Variants in AHCYL2 observed in about 807,000 individuals in gnomAD.
AHCYL2 encodes adenosylhomocysteinase like 2.
Under a neutral mutation model 81.4 loss-of-function variants are expected in AHCYL2, and 28 were observed. The observed-to-expected ratio is 0.34, with a 90% CI of 0.25 to 0.47. The LOEUF (loss-of-function observed/expected upper bound fraction) is 0.47. Among genes scored for constraint, AHCYL2 ranks in the 20% least tolerant of loss-of-function variants. AHCYL2 has a pLI of 1.00. For missense variants in AHCYL2, 551 were observed against 785.1 expected (o/e 0.70, Z 3.56); for synonymous variants, 272 against 290.2 (o/e 0.94, Z 0.64).
intron 12 of AHCYL2, among the ~76,000 whole-genome samples, chr7:129,415,499 C>G (rs1796798585): frequency 6.6e-6 from 1 of 152,114 alleles, no homozygotes; most frequent in Non-Finnish European, 1.5e-5. Context: ...AGTTAACTAC[C>G]TTGTCAGGCA....
At chr7:129,345,882 TG>T (rs1403239076) in intron 1 of AHCYL2, among the ~76,000 whole-genome samples, 1 of 151,848 alleles carries the variant, frequency 6.6e-6, no homozygotes, top group Non-Finnish European at 1.5e-5. Flanking sequence ...AGAGCAGGTT[TG>T]GGGGGGTAAG....
intron 12 of AHCYL2, among the ~76,000 whole-genome samples, chr7:129,415,281 C>G (rs958655598): frequency 1.1e-4 from 17 of 152,318 alleles, no homozygotes; most frequent in African/African-American, 3.4e-4. Flanking sequence ...GGGAAGTATT[C>G]ATGTCATGCC....
intron 1 of AHCYL2, among the ~76,000 whole-genome samples, chr7:129,300,831 T>A (rs1302094490): frequency 6.6e-6 from 1 of 152,186 alleles, no homozygotes; most frequent in Non-Finnish European, 1.5e-5. Flanking sequence ...GATATTTCAT[T>A]GTAGTTTTTC....
At position 129,422,896 on chromosome 7, in the gene AHCYL2, T is replaced by C. The variant is rs1797181372; in HGVS notation, c.1518T>C (p.His506=). The change falls in exon 13 of 17, where the codon CAT becomes CAC. Residue 506 remains histidine (H), a synonymous_variant. Coordinates refer to ENST00000325006, the MANE Select transcript of AHCYL2 (RefSeq NM_015328.4). ...AGCGAGTGAGATCTCAAGTTGACCA[T>C]GTGATATGGCCTGATGGCAAGAGGA... ...TWERVRSQVD[H]VIWPDGKRIV... 1.9e-6 allele frequency: 3 copies of C among 1,614,060 alleles called. No homozygotes were observed. The highest frequency in any genetic ancestry group is 1.7e-5 in the Admixed American group (1 of 60,008).
intron 1 of AHCYL2, among the ~76,000 whole-genome samples, chr7:129,262,523 G>A (rs1267082755): frequency 6.6e-6 from 1 of 152,238 alleles, no homozygotes; most frequent in Non-Finnish European, 1.5e-5. Context: ...CCACTCCGTG[G>A]TTGGTGGTCT....
At chr7:129,312,408 T>G (rs1797689500) in intron 1 of AHCYL2, among the ~76,000 whole-genome samples, 1 of 152,104 alleles carries the variant, frequency 6.6e-6, no homozygotes, top group Admixed American at 6.5e-5. Flanking sequence ...TTTTCTTTCT[T>G]TCTTTTTGTT....
chr7:129,373,196 A>T (rs1794499204), intron 1 of AHCYL2, among the ~76,000 whole-genome samples: 1 of 152,182 alleles, frequency 6.6e-6, no homozygotes, highest in South Asian at 2.1e-4. Context: ...AATGTGCTTT[A>T]ATAAGCTCTC....
chr7:129,331,677 A>T (rs973281154), intron 1 of AHCYL2, among the ~76,000 whole-genome samples: 1 of 151,928 alleles, frequency 6.6e-6, no homozygotes, highest in African/African-American at 2.4e-5. Context: ...CCCCGTCTCT[A>T]CTAAAAATAC....
intron 1 of AHCYL2, among the ~76,000 whole-genome samples, chr7:129,306,860 T>C (rs1244626014): frequency 6.6e-6 from 1 of 152,196 alleles, no homozygotes; most frequent in Admixed American, 6.5e-5. Context: ...CTCGTAGAGG[T>C]ATCACCTCGA....
intron 1 of AHCYL2, among the ~76,000 whole-genome samples, chr7:129,318,971 A>G (rs1252637319): frequency 7.9e-5 from 12 of 152,016 alleles, no homozygotes; most frequent in African/African-American, 2.2e-4. Context: ...AAAAACTACT[A>G]TAAGCAAAGT....
Position 129,313,117 on chromosome 7 carries a change from A to G in AHCYL2, c.364-66521A>G, listed in dbSNP as rs118030627. Among the ~76,000 whole-genome samples the G allele has an allele frequency of 1.9e-3, 292 of 152,320 alleles. 2 individuals carry two copies. Among genetic ancestry groups the G allele is most frequent in the Non-Finnish European group, 2.9e-3 (200 of 68,026 alleles). ...ATTTTTGTTCTGCTACAACCACCCAAAACAGTCCCTAATACACAGTAAGTG... is the reference window on the plus strand; with the variant it reads ...ATTTTTGTTCTGCTACAACCACCCAGAACAGTCCCTAATACACAGTAAGTG... On this transcript the variant is annotated intron_variant, in intron 1 of 16. Coordinates refer to ENST00000325006, the MANE Select transcript of AHCYL2 (RefSeq NM_015328.4).
chr7:129,231,671 G>C (rs1794445283), intron 1 of AHCYL2, among the ~76,000 whole-genome samples: 1 of 152,190 alleles, frequency 6.6e-6, no homozygotes, highest in Non-Finnish European at 1.5e-5. Flanking sequence ...AAGAGGTTTA[G>C]TAAACTTGAT....
At chr7:129,288,970 T>G (rs949314446) in intron 1 of AHCYL2, among the ~76,000 whole-genome samples, 6 of 151,746 alleles carry the variant, frequency 4.0e-5, no homozygotes, top group Non-Finnish European at 8.8e-5. Flanking sequence ...TTTGTAGAGA[T>G]AGAGTTTTAC....
At chr7:129,317,762 A>G (rs1005405769) in intron 1 of AHCYL2, among the ~76,000 whole-genome samples, 1 of 152,206 alleles carries the variant, frequency 6.6e-6, no homozygotes, top group Non-Finnish European at 1.5e-5. Context: ...CTTGGTTACT[A>G]CACTTCCCTA....
intron 1 of AHCYL2, among the ~76,000 whole-genome samples, chr7:129,284,980 T>C (rs1368461204): frequency 1.3e-5 from 2 of 152,174 alleles, no homozygotes; most frequent in African/African-American, 2.4e-5. Context: ...TTTGTAATGG[T>C]GAAATCTAGT....
At chr7:129,321,743 G>GTTTTTTTTTTTTTTTTTTTTTTTTTTGT in intron 1 of AHCYL2, among the ~76,000 whole-genome samples, 4 of 77,624 alleles carry the variant, frequency 5.2e-5, no homozygotes, top group South Asian at 5.4e-4. Context: ...TTCTTTCTTT[G>GTTTTTTTTTTTTTTTTTTTTTTTTTTGT]TTTTTTTTTT....
At chr7:129,272,779 T>C (rs1796064897) in intron 1 of AHCYL2, among the ~76,000 whole-genome samples, 1 of 152,126 alleles carries the variant, frequency 6.6e-6, no homozygotes, top group Non-Finnish European at 1.5e-5. Flanking sequence ...ATAAATGAAC[T>C]AAAAAATGAA....
chr7:129,277,152 T>C (rs530733783), intron 1 of AHCYL2, among the ~76,000 whole-genome samples: 1 of 152,002 alleles, frequency 6.6e-6, no homozygotes, highest in Non-Finnish European at 1.5e-5. Flanking sequence ...AGGGGTATAA[T>C]TGACAAACAA....
chr7:129,273,532 T>C (rs1487037605), intron 1 of AHCYL2, among the ~76,000 whole-genome samples: 1 of 149,866 alleles, frequency 6.7e-6, no homozygotes, highest in Non-Finnish European at 1.5e-5. Flanking sequence ...TTCTCCATGA[T>C]GGTCAGGCTC....
Sources: allele counts gnomAD v4.1 joint callset (sites outside exome capture counted in the v4.1 genomes callset), GRCh38; gene constraint gnomAD v4.1.1; transcripts MANE v1.5; gene names NCBI Gene and HGNC (gene_info 2026-07-23, HGNC 2026-07-21).